FAT3: variants seen among roughly 807,000 people sequenced by gnomAD.
FAT3 encodes the protein FAT atypical cadherin 3.
FAT3 carries 95 observed loss-of-function variants against 310.2 expected under a neutral mutation model. The ratio of observed to expected loss-of-function variants is 0.31; its 90% CI spans 0.26 to 0.36. FAT3 has a LOEUF of 0.36. FAT3 is among the 10% of genes least tolerant of loss of function. The pLI, the probability that FAT3 is intolerant of heterozygous loss-of-function variation, is 1.00. For synonymous variants in FAT3, 2,314 were observed against 2,192.9 expected (o/e 1.06, Z -1.54); for missense variants, 5,408 against 5,715.6 (o/e 0.95, Z 1.74).
chr11:92,432,214 G>C (rs577925936), intron 2 of FAT3, among the ~76,000 whole-genome samples: 2 of 152,026 alleles, frequency 1.3e-5, no homozygotes, highest in African/African-American at 4.8e-5. Flanking sequence ...GGTCCTTCAC[G>C]TCCCTTGTAA....
intron 3 of FAT3, among the ~76,000 whole-genome samples, chr11:92,630,217 G>A (rs569743222): frequency 6.6e-6 from 1 of 152,200 alleles, no homozygotes; most frequent in Admixed American, 6.5e-5. Flanking sequence ...GGAATTCCTT[G>A]CCCCTTGATG....
At chr11:92,373,687 A>T (rs1266245644) in intron 2 of FAT3, among the ~76,000 whole-genome samples, 1 of 151,936 alleles carries the variant, frequency 6.6e-6, no homozygotes, top group Non-Finnish European at 1.5e-5. Flanking sequence ...CCAAACAGGC[A>T]AAAATCTTTA....
At chr11:92,323,586 T>C (rs1274775852) in intron 1 of FAT3, among the ~76,000 whole-genome samples, 1 of 95,716 alleles carries the variant, frequency 1.0e-5, no homozygotes, top group African/African-American at 7.9e-5. Flanking sequence ...TTTTTTTTTC[T>C]TTTTTTTTTT....
intron 1 of FAT3, among the ~76,000 whole-genome samples, chr11:92,246,852 G>C (rs1010948084): frequency 6.6e-6 from 1 of 152,106 alleles, no homozygotes; most frequent in African/African-American, 2.4e-5. Context: ...GTTACTGAGA[G>C]TTGCAGGTTG....
intron 2 of FAT3, among the ~76,000 whole-genome samples, chr11:92,377,822 G>A (rs1226903707): frequency 6.6e-6 from 1 of 152,216 alleles, no homozygotes; most frequent in African/African-American, 2.4e-5. Flanking sequence ...AGATGCAACA[G>A]CAGCTCAGTG....
chr11:92,644,044 T>C (rs1009706399), intron 3 of FAT3, among the ~76,000 whole-genome samples: 1 of 152,248 alleles, frequency 6.6e-6, no homozygotes, highest in Non-Finnish European at 1.5e-5. Flanking sequence ...CTTGCAGCCA[T>C]CCTTGTCAAT....
At chr11:92,227,035 C>T (rs879687194) in intron 1 of FAT3, among the ~76,000 whole-genome samples, 22 of 152,188 alleles carry the variant, frequency 1.4e-4, no homozygotes, top group Non-Finnish European at 2.8e-4. Flanking sequence ...CTAGGGAGGG[C>T]GCCCAGGGGG....
At chr11:92,458,612 C>A (rs1951559450) in intron 2 of FAT3, among the ~76,000 whole-genome samples, 1 of 152,178 alleles carries the variant, frequency 6.6e-6, no homozygotes, top group Non-Finnish European at 1.5e-5. Flanking sequence ...TTGTTTATAT[C>A]TCTGACCTGC....
At chr11:92,466,669 TGTG>T (rs1165566159) in intron 2 of FAT3, among the ~76,000 whole-genome samples, 1 of 151,390 alleles carries the variant, frequency 6.6e-6, no homozygotes, top group Non-Finnish European at 1.5e-5. Context: ...GCCATGCTGG[TGTG>T]CTGCACCCAT....
chr11:92,835,706 A>G (rs998961616), intron 15 of FAT3, among the ~76,000 whole-genome samples: 2 of 152,192 alleles, frequency 1.3e-5, no homozygotes, highest in South Asian at 2.1e-4. Context: ...CTGAGGATCA[A>G]ATAAAATCCC....
intron 1 of FAT3, among the ~76,000 whole-genome samples, chr11:92,315,547 A>G (rs1005522880): frequency 1.4e-5 from 2 of 144,294 alleles, no homozygotes; most frequent in South Asian, 4.4e-4. Flanking sequence ...AGAGAGAGAG[A>G]GAGAGAGACT....
chr11:92,837,879 T>C (rs1329392731), intron 17 of FAT3, 73 bp downstream of exon 17: 2 of 1,568,108 alleles, frequency 1.3e-6, no homozygotes, highest in Non-Finnish European at 1.8e-6. Flanking sequence ...GTTTACTCAT[T>C]GTGGTTTATT....
chr11:92,362,398 T>A (rs756701351), intron 2 of FAT3, among the ~76,000 whole-genome samples: 7 of 152,250 alleles, frequency 4.6e-5, no homozygotes, highest in Non-Finnish European at 5.9e-5. Flanking sequence ...TGATCCATTC[T>A]CACTCTTCTT....
chr11:92,800,039 A>G lies in FAT3; in HGVS notation c.7026A>G (p.Ser2342=). The G allele has an allele frequency of 6.2e-7, 1 of 1,612,738 alleles. No individual in the cohort carries two copies. The highest frequency in any genetic ancestry group is 8.5e-7 in the Non-Finnish European group (1 of 1,178,724). The change falls in exon 10 of 28, where the codon TCA becomes TCG. Residue 2342 remains serine (S), a synonymous_variant. Transcript: ENST00000525166. ...CAGATTATTTTCACATAGATAGCTC[A>G]AGTGGCTTAATCCTGACAGCACGAA... is the stretch of plus-strand genomic sequence containing the variant. ...NSTDYFHIDS[S]SGLILTARML...
Position 92,800,640 on chromosome 11 carries a change from C to A in FAT3, c.7627C>A (p.Arg2543=). Residue 2543 remains arginine (R), a synonymous_variant, in exon 10 of 28, where the codon CGA becomes AGA. Coordinates refer to ENST00000525166, the MANE Select transcript of FAT3 (RefSeq NM_001367949.2). The part of the protein sequence containing the change: ...YAIINDFAKD[R]FLIDSNGQVI... ...CATCATCAATGACTTTGCCAAGGAT[C>A]GATTCCTCATAGACAGCAATGGGCA... 2 of 1,613,684 alleles carry A rather than the reference C, an allele frequency of 1.2e-6. No individual in the cohort carries two copies. Among genetic ancestry groups the A allele is most frequent in the South Asian group, 1.1e-5 (1 of 91,020 alleles).
At chr11:92,401,601 A>G (rs531379237) in intron 2 of FAT3, among the ~76,000 whole-genome samples, 2 of 152,286 alleles carry the variant, frequency 1.3e-5, no homozygotes, top group South Asian at 4.1e-4. Flanking sequence ...CACCCTTGAA[A>G]CACAGCCTCA....
At chr11:92,545,702 G>T (rs768735469) in intron 3 of FAT3, among the ~76,000 whole-genome samples, 3 of 152,174 alleles carry the variant, frequency 2.0e-5, no homozygotes, top group Non-Finnish European at 4.4e-5. Flanking sequence ...ACTCATGAGG[G>T]CATGGAAGCA....
intron 3 of FAT3, among the ~76,000 whole-genome samples, chr11:92,662,048 A>T (rs1055954987): frequency 3.3e-5 from 5 of 152,148 alleles, no homozygotes; most frequent in African/African-American, 1.2e-4. Context: ...TACGACTGTT[A>T]TTACAATTAT....
chr11:92,422,208 GCTTT>G (rs1000274857), intron 2 of FAT3, among the ~76,000 whole-genome samples: 18 of 152,108 alleles, frequency 1.2e-4, no homozygotes, highest in African/African-American at 4.3e-4. Context: ...AGACAAGTTT[GCTTT>G]CTTTATTTCA....
Sources: gnomAD v4.1 joint callset for allele counts (sites outside exome capture counted in the v4.1 genomes callset) on GRCh38, gnomAD v4.1.1 for gene constraint, MANE v1.5 for transcripts, NCBI Gene and HGNC (gene_info 2026-07-23, HGNC 2026-07-21) for gene names.